The following CTNNBIP1 variants were observed in gnomAD, a reference collection of about 807,000 sequenced individuals.
The protein encoded by CTNNBIP1 is beta-catenin-interacting protein 1.
A neutral mutation model predicts 11.8 loss-of-function variants in CTNNBIP1; 7 were observed. That is an observed-to-expected ratio of 0.60 (90% CI 0.34 to 1.12). The LOEUF (loss-of-function observed/expected upper bound fraction) is 1.12, where lower values mean the gene tolerates loss of function less well. Ranked by LOEUF, CTNNBIP1 falls within the 50% of genes most tolerant of loss-of-function variation. CTNNBIP1 has a pLI of 0.03. For missense variants in CTNNBIP1, 101 were observed against 113.4 expected, an observed-to-expected ratio of 0.89 and a Z score of 0.50; for synonymous variants, 58 against 43.9, an observed-to-expected ratio of 1.32 and a Z score of -1.26.
chr1:9,874,786 T>C (rs972017352), intron 3 of CTNNBIP1, among the ~76,000 whole-genome samples: 1 of 152,216 alleles, frequency 6.6e-6, no homozygotes, highest in Non-Finnish European at 1.5e-5. Context: ...GGCCCAAATG[T>C]CATTGTGTTA....
rs1023573022 is a variant in CTNNBIP1 at position 9,868,288 on chromosome 1, C to T, written c.187+2899G>A. On this transcript the variant is annotated intron_variant, in intron 5 of 5. Transcript: ENST00000377263. ...GCTTCAGCTCCAGAAGACCCCTCCCCGGAGAAAGAAGTAGCTGTGGACAGA... is the reference window on the plus strand; with the variant it reads ...GCTTCAGCTCCAGAAGACCCCTCCCTGGAGAAAGAAGTAGCTGTGGACAGA... 3.3e-5 allele frequency among the ~76,000 whole-genome samples: 5 copies of T among 152,210 alleles called. No homozygotes were observed. In the South Asian group the frequency reaches 6.2e-4, roughly 19 times the overall value.
chr1:9,875,502 G>A (rs1328850971), intron 3 of CTNNBIP1, among the ~76,000 whole-genome samples: 2 of 152,168 alleles, frequency 1.3e-5, no homozygotes, highest in East Asian at 1.9e-4. Flanking sequence ...GTGCAGCCTC[G>A]CCGTCCCGGG....
At chr1:9,892,268 A>C (rs888770684) in intron 1 of CTNNBIP1, among the ~76,000 whole-genome samples, 1 of 150,884 alleles carries the variant, frequency 6.6e-6, no homozygotes, top group Non-Finnish European at 1.5e-5. Flanking sequence ...TAAAAATACA[A>C]AAAATTAGCC....
intron 1 of CTNNBIP1, among the ~76,000 whole-genome samples, chr1:9,884,552 GGTCACCAGTTCAGA>G (rs1319889036): frequency 6.6e-6 from 1 of 152,170 alleles, no homozygotes; most frequent in East Asian, 1.9e-4. Context: ...AAGGGGACCT[GGTCACCAGTTCAGA>G]GTCAGCTGCC....
chr1:9,900,926 G>A (rs1570600725), intron 1 of CTNNBIP1, among the ~76,000 whole-genome samples: 3 of 152,180 alleles, frequency 2.0e-5, no homozygotes. Flanking sequence ...GTGAGCACAC[G>A]CTCAGGAACA....
intron 5 of CTNNBIP1, among the ~76,000 whole-genome samples, chr1:9,852,051 G>A (rs544619884): frequency 2.6e-5 from 4 of 152,308 alleles, no homozygotes; most frequent in African/African-American, 9.6e-5. Context: ...CTGGGAGGGG[G>A]TGGATCGGAA....
At chr1:9,864,773 C>T (rs1638709549) in intron 5 of CTNNBIP1, among the ~76,000 whole-genome samples, 2 of 152,178 alleles carry the variant, frequency 1.3e-5, no homozygotes, top group African/African-American at 4.8e-5. Flanking sequence ...AAGAAGAGAC[C>T]CGGAGCTCTC....
chr1:9,878,465 G>A (rs1367983176), intron 2 of CTNNBIP1, among the ~76,000 whole-genome samples: 1 of 152,190 alleles, frequency 6.6e-6, no homozygotes, highest in Non-Finnish European at 1.5e-5. Context: ...GCATGTATAT[G>A]TGTCTGTGTG....
chr1:9,886,973 C>T (rs370012928), intron 1 of CTNNBIP1, among the ~76,000 whole-genome samples: 19 of 152,322 alleles, frequency 1.2e-4, no homozygotes, highest in South Asian at 6.2e-4. Context: ...TCGGTATTCC[C>T]GAACCGCACT....
chr1:9,900,075 A>G (rs1017434162), intron 1 of CTNNBIP1, among the ~76,000 whole-genome samples: 18 of 151,426 alleles, frequency 1.2e-4, no homozygotes, highest in Admixed American at 3.3e-4. Context: ...TCTCAAGAAA[A>G]AAAAAAAAAA....
chr1:9,886,746 C>G (rs534037986), intron 1 of CTNNBIP1, among the ~76,000 whole-genome samples: 1 of 152,100 alleles, frequency 6.6e-6, no homozygotes, highest in Non-Finnish European at 1.5e-5. Context: ...GCGAGGGGGA[C>G]GGGGGGCAGA....
intron 1 of CTNNBIP1, among the ~76,000 whole-genome samples, chr1:9,909,774 A>G (rs943683402): frequency 6.6e-6 from 1 of 152,020 alleles, no homozygotes; most frequent in African/African-American, 2.4e-5. Context: ...GGGAAGAGGC[A>G]GGGGCCCAGA....
intron 5 of CTNNBIP1, among the ~76,000 whole-genome samples, chr1:9,870,976 C>CT (rs1237980031): frequency 6.6e-6 from 1 of 152,174 alleles, no homozygotes; most frequent in Non-Finnish European, 1.5e-5. Flanking sequence ...TCTTTGGCTC[C>CT]CACCTGAGGA....
intron 5 of CTNNBIP1, among the ~76,000 whole-genome samples, chr1:9,870,859 T>A (rs958752553): frequency 1.3e-5 from 2 of 152,130 alleles, no homozygotes; most frequent in Non-Finnish European, 2.9e-5. Flanking sequence ...GGCCAAAGGT[T>A]AAAGAAATGC....
intron 1 of CTNNBIP1, among the ~76,000 whole-genome samples, chr1:9,901,560 T>C (rs1639522771): frequency 6.6e-6 from 1 of 152,040 alleles, no homozygotes; most frequent in African/African-American, 2.4e-5. Flanking sequence ...GCAGAAAACA[T>C]GTGGGTTAGA....
At chr1:9,905,553 G>T (rs2101550289) in intron 1 of CTNNBIP1, among the ~76,000 whole-genome samples, 1 of 151,750 alleles carries the variant, frequency 6.6e-6, no homozygotes, top group Middle Eastern at 3.4e-3. Flanking sequence ...CTCCTGAGTA[G>T]CTGGGACTAC....
At position 9,866,509 on chromosome 1, in the gene CTNNBIP1, C is replaced by T. The variant is rs1259864786; in HGVS notation, c.187+4678G>A. On this transcript the variant is annotated intron_variant, in intron 5 of 5. Transcript: ENST00000377263. The stretch of plus-strand genomic sequence containing the variant: ...AGGAGTTTGAGACCAGCCCGGGCAA[C>T]ATGGTGAAACCCCGTCTCTAATCAG... Among the ~76,000 whole-genome samples, 5 of 152,170 alleles carry T rather than the reference C, an allele frequency of 3.3e-5. No homozygotes were observed. The South Asian group carries it at 1.0e-3, about 32-fold the overall frequency.
chr1:9,892,559 C>A (rs998244605), intron 1 of CTNNBIP1, among the ~76,000 whole-genome samples: 1 of 151,302 alleles, frequency 6.6e-6, no homozygotes, highest in Non-Finnish European at 1.5e-5. Flanking sequence ...CACCACTGCA[C>A]CCCAGCCTGG....
intron 5 of CTNNBIP1, among the ~76,000 whole-genome samples, chr1:9,868,660 C>T (rs1638796667): frequency 6.6e-6 from 1 of 152,190 alleles, no homozygotes; most frequent in African/African-American, 2.4e-5. Context: ...CAGAGTCTAG[C>T]TCTGTTGCCC....
Sources: gnomAD v4.1 joint callset for allele counts (sites outside exome capture counted in the v4.1 genomes callset) on GRCh38, gnomAD v4.1.1 for gene constraint, MANE v1.5 for transcripts, NCBI Gene and HGNC (gene_info 2026-07-23, HGNC 2026-07-21) for gene names.